PDXDC1: variants seen among roughly 807,000 people sequenced by gnomAD.
The protein encoded by PDXDC1 is pyridoxal-dependent decarboxylase domain-containing protein 1.
Under a neutral mutation model 100.1 loss-of-function variants are expected in PDXDC1, and 42 were observed. That is an observed-to-expected ratio of 0.42 (90% CI 0.33 to 0.54). PDXDC1 has a LOEUF of 0.54. Ranked by LOEUF, PDXDC1 falls within the 20% of genes least tolerant of loss-of-function variation. The probability of loss-of-function intolerance (pLI) is 0.10; values close to 1 mark genes in which losing one functional copy is unlikely to be tolerated. For missense variants in PDXDC1, 636 were observed against 979.2 expected (o/e 0.65, Z 4.68); for synonymous variants, 260 against 371.7 (o/e 0.70, Z 3.46).
the PDXDC1 span, among the ~76,000 whole-genome samples, chr16:15,150,354 T>TAAAA: frequency 7.0e-6 from 1 of 143,466 alleles, no homozygotes; most frequent in Non-Finnish European, 1.5e-5. Context: ...TAACAATAAA[T>TAAAA]AAATAAATAA....
At chr16:15,077,725 C>T (rs2045522980) in intron 16 of PDXDC1, among the ~76,000 whole-genome samples, 1 of 152,196 alleles carries the variant, frequency 6.6e-6, no homozygotes, top group Non-Finnish European at 1.5e-5. Flanking sequence ...CCTGTAATCC[C>T]AGCTAATCAG....
At chr16:15,088,544 G>C (rs2151820049) in intron 16 of PDXDC1, among the ~76,000 whole-genome samples, 1 of 152,148 alleles carries the variant, frequency 6.6e-6, no homozygotes, top group East Asian at 1.9e-4. Context: ...CCAAGAATGA[G>C]AACTGCTGAT....
At chr16:15,054,159 G>A (rs1268059781) in intron 16 of PDXDC1, among the ~76,000 whole-genome samples, 1 of 152,162 alleles carries the variant, frequency 6.6e-6, no homozygotes, top group Non-Finnish European at 1.5e-5. Flanking sequence ...GCCCAGCTGC[G>A]ATGCCCTCAC....
At chr16:14,995,711 G>A (rs1209493437) in intron 1 of PDXDC1, among the ~76,000 whole-genome samples, 5 of 152,296 alleles carry the variant, frequency 3.3e-5, no homozygotes, top group African/African-American at 4.8e-5. Context: ...GTTTCAGAAG[G>A]AATGGTACCA....
chr16:15,122,896 G>A (rs1259124944), intron 16 of PDXDC1, among the ~76,000 whole-genome samples: 1 of 147,316 alleles, frequency 6.8e-6, no homozygotes, highest in Non-Finnish European at 1.5e-5. Flanking sequence ...GGGGCTGTTG[G>A]GTACCTGGAG....
In PDXDC1 at chr16:15,017,167, TG is replaced by T. The variant is rs1424034739; in HGVS notation, c.861+1del. ...LALGYVSSSV[L>X]AAAKCDSMTM... is the part of the protein sequence containing the mutation. Reference sequence around the variant, plus strand: ...CTGGGTTATGTCTCCTCATCAGTGCTGGTATGTTGTTGATTTACTGAATATT... The same window carrying T: ...CTGGGTTATGTCTCCTCATCAGTGCTGTATGTTGTTGATTTACTGAATATT... On this transcript the variant is annotated frameshift_variant and splice_region_variant, in exon 10 of 23. Coordinates refer to ENST00000396410, the MANE Select transcript of PDXDC1 (RefSeq NM_015027.4). LOFTEE classifies it high-confidence loss of function. The T allele has an allele frequency of 6.2e-7, 1 of 1,613,324 alleles. No homozygotes were observed. The highest frequency in any genetic ancestry group is 8.5e-7 in the Non-Finnish European group (1 of 1,179,464).
At chr16:15,026,577 G>C (rs1468220421) in intron 13 of PDXDC1, 66 bp from the exon 14 acceptor site, 1 of 1,351,430 alleles carries the variant, frequency 7.4e-7, no homozygotes, top group Non-Finnish European at 1.0e-6. Flanking sequence ...TTTGAACTCA[G>C]CATTTCATTT....
Position 15,035,487 on chromosome 16 carries a change from G to A in PDXDC1, c.2041G>A (p.Ala681Thr). 1 of 1,612,182 alleles carries A rather than the reference G, an allele frequency of 6.2e-7. No individual in the cohort carries two copies. The highest frequency in any genetic ancestry group is 8.5e-7 in the Non-Finnish European group (1 of 1,179,432). ...ESTEPIYVYK[A>T]QGAGVTLPPT... ...CACAGAACCCATATATGTCTACAAA[G>A]CACAAGGTGCAGGAGTCACGCTGCC... is the stretch of plus-strand genomic sequence containing the variant. Residue 681 changes from alanine (A) to threonine (T), a missense_variant, in exon 22 of 23, where the codon GCA becomes ACA. By Grantham distance (58) the Ala-to-Thr change is moderately conservative. Coordinates refer to ENST00000396410, the MANE Select transcript of PDXDC1 (RefSeq NM_015027.4).
intron 6 of PDXDC1, among the ~76,000 whole-genome samples, chr16:15,007,327 C>T (rs1406510429): frequency 1.2e-4 from 18 of 152,324 alleles, no homozygotes; most frequent in Admixed American, 2.6e-4. Context: ...CCCGCCACCA[C>T]GCCCAGATAA....
intron 16 of PDXDC1, chr16:15,128,343 C>G (rs1169211403): frequency 1.9e-6 from 3 of 1,608,844 alleles, no homozygotes; most frequent in Non-Finnish European, 2.5e-6. Flanking sequence ...GGTGGCCGCT[C>G]CGGCTGTCCA....
intron 16 of PDXDC1, chr16:15,070,294 A>C: frequency 4.4e-6 from 7 of 1,606,274 alleles, no homozygotes; most frequent in Non-Finnish European, 5.9e-6. Flanking sequence ...TACACATCAT[A>C]AAAAAACCAG....
intron 16 of PDXDC1, among the ~76,000 whole-genome samples, chr16:15,091,980 C>T (rs866010866): frequency 1.3e-5 from 2 of 152,116 alleles, no homozygotes; most frequent in Admixed American, 1.3e-4. Flanking sequence ...AGTTCGAGAC[C>T]AGCCTGGCCA....
chr16:15,093,215 G>A (rs2046210617), intron 16 of PDXDC1, among the ~76,000 whole-genome samples: 1 of 152,162 alleles, frequency 6.6e-6, no homozygotes. Flanking sequence ...CGTTGGCCAG[G>A]CTGGTCTCCA....
chr16:15,000,475 C>T (rs1037703672), intron 3 of PDXDC1, among the ~76,000 whole-genome samples: 22 of 152,412 alleles, frequency 1.4e-4, no homozygotes, highest in Middle Eastern at 3.4e-3. Context: ...TGAAGGGCAG[C>T]ACCTTGGGGA....
chr16:15,086,099 A>G, intron 16 of PDXDC1: 2 of 1,595,130 alleles, frequency 1.3e-6, no homozygotes, highest in Non-Finnish European at 1.7e-6. Context: ...AAGTATTAAA[A>G]AGAAAATAAA....
chr16:15,033,360 C>T lies in PDXDC1; in HGVS notation c.1773C>T (p.Thr591=), dbSNP rs752593494. The change falls in exon 19 of 23, where the codon ACC becomes ACT. Residue 591 remains threonine, a synonymous_variant. Coordinates refer to ENST00000396410, the MANE Select transcript of PDXDC1 (RefSeq NM_015027.4). ...TCGATGCTGCTGAGCTCGTGGAGACCATTGCGGCCACAGCCCGGGAGATAG... is the reference window on the plus strand; with the variant it reads ...TCGATGCTGCTGAGCTCGTGGAGACTATTGCGGCCACAGCCCGGGAGATAG... ...DNVDAAELVE[T]IAATAREIEE... 2.8e-5 allele frequency: 46 copies of T among 1,614,172 alleles called. No individual in the cohort carries two copies. The highest frequency in any genetic ancestry group is 3.6e-5 in the Non-Finnish European group (43 of 1,180,004).
rs1053913670 is a variant in PDXDC1, at chr16:15,038,229, G to A, written c.*1954G>A. 3.7e-6 allele frequency: 6 copies of A among 1,601,702 alleles called. No individual in the cohort carries two copies. Among genetic ancestry groups the A allele is most frequent in the Non-Finnish European group, 5.1e-6 (6 of 1,171,806 alleles). ...AAAGATTCTGAAAACACAAGATGGT[G>A]GGCATTAGAGAAGCCAACCTTACTG... On this transcript the variant is annotated 3_prime_UTR_variant, in exon 23 of 23. Coordinates refer to ENST00000396410, the MANE Select transcript of PDXDC1 (RefSeq NM_015027.4).
At chr16:15,050,597 T>C (rs1419530261) in intron 16 of PDXDC1, among the ~76,000 whole-genome samples, 1 of 152,018 alleles carries the variant, frequency 6.6e-6, no homozygotes, top group East Asian at 1.9e-4. Flanking sequence ...CTGGGTGTGG[T>C]GGCATGTGCC....
At chr16:14,979,634 T>G (rs1343997942) in intron 1 of PDXDC1, among the ~76,000 whole-genome samples, 3 of 152,296 alleles carry the variant, frequency 2.0e-5, no homozygotes, top group Non-Finnish European at 4.4e-5. Flanking sequence ...GAGGCAACTT[T>G]GACCCTGTTT....
Sources: gnomAD v4.1 joint callset for allele counts (sites outside exome capture counted in the v4.1 genomes callset) on GRCh38, gnomAD v4.1.1 for gene constraint, MANE v1.5 for transcripts, NCBI Gene and HGNC (gene_info 2026-07-23, HGNC 2026-07-21) for gene names.